SDK1: variants seen among roughly 807,000 people sequenced by gnomAD.
SDK1 encodes the protein sidekick cell adhesion molecule 1, also known as protein sidekick-1.
Under a neutral mutation model 245.5 loss-of-function variants are expected in SDK1, and 157 were observed. The observed-to-expected ratio is 0.64, with a 90% confidence interval of 0.56 to 0.73. The LOEUF (loss-of-function observed/expected upper bound fraction) is 0.73, where lower values mean the gene tolerates loss of function less well. Among genes scored for constraint, SDK1 ranks in the 30% least tolerant of loss-of-function variants. The pLI, the probability that SDK1 is intolerant of heterozygous loss-of-function variation, is 0.00. For missense variants in SDK1, 3,583 were observed against 3,002.3 expected (o/e 1.19, Z -4.52); for synonymous variants, 1,647 against 1,278.5 (o/e 1.29, Z -6.15).
At chr7:3,583,684 G>A (rs1372879665) in intron 1 of SDK1, among the ~76,000 whole-genome samples, 1 of 152,178 alleles carries the variant, frequency 6.6e-6, no homozygotes, top group Non-Finnish European at 1.5e-5. Context: ...CAAGTAGTAA[G>A]AGGCAGGAGT....
At chr7:3,985,273 A>G (rs982273934) in intron 13 of SDK1, among the ~76,000 whole-genome samples, 2 of 152,244 alleles carry the variant, frequency 1.3e-5, no homozygotes, top group East Asian at 1.9e-4. Flanking sequence ...CTCAGATCAG[A>G]TACATTCTTT....
chr7:4,179,632 G>T (rs1343960020), intron 35 of SDK1, among the ~76,000 whole-genome samples: 3 of 151,982 alleles, frequency 2.0e-5, no homozygotes, highest in Admixed American at 1.3e-4. Flanking sequence ...ATGTTCAAAG[G>T]GGTCACTCAG....
intron 1 of SDK1, among the ~76,000 whole-genome samples, chr7:3,482,774 A>G (rs1460371988): frequency 6.6e-6 from 1 of 152,220 alleles, no homozygotes; most frequent in African/African-American, 2.4e-5. Context: ...TATTCAAGGC[A>G]TTACTGAAGG....
intron 1 of SDK1, among the ~76,000 whole-genome samples, chr7:3,570,818 C>G (rs939332241): frequency 4.0e-5 from 6 of 149,660 alleles, no homozygotes; most frequent in African/African-American, 1.2e-4. Flanking sequence ...AATTAATGTT[C>G]TTTGTTTTGT....
At chr7:4,017,428 C>T (rs1030135287) in intron 17 of SDK1, 76 bp downstream of exon 17, 60 of 1,325,794 alleles carry the variant, frequency 4.5e-5, no homozygotes, top group Non-Finnish European at 5.7e-5. Flanking sequence ...GACTGGAGTA[C>T]GTTAGAAAGA....
intron 30 of SDK1, among the ~76,000 whole-genome samples, chr7:4,155,325 G>C (rs1347327545): frequency 6.6e-6 from 1 of 151,954 alleles, no homozygotes; most frequent in Non-Finnish European, 1.5e-5. Flanking sequence ...CAGGCCTCAC[G>C]CTAAGAACCC....
At chr7:4,022,000 G>A (rs1049801842) in intron 17 of SDK1, among the ~76,000 whole-genome samples, 12 of 152,296 alleles carry the variant, frequency 7.9e-5, no homozygotes, top group South Asian at 4.1e-4. Flanking sequence ...GGGGCTGTTT[G>A]GGCATTAAGT....
chr7:4,175,368 C>T (rs1343922112), intron 33 of SDK1, among the ~76,000 whole-genome samples: 3 of 152,220 alleles, frequency 2.0e-5, no homozygotes, highest in Non-Finnish European at 2.9e-5. Context: ...CACCTGGTCG[C>T]GCAGCTCTCC....
chr7:3,404,582 T>C (rs948198913), intron 1 of SDK1, among the ~76,000 whole-genome samples: 5 of 152,364 alleles, frequency 3.3e-5, no homozygotes, highest in African/African-American at 1.2e-4. Context: ...AGTTTTGACA[T>C]GTTTAAAATC....
intron 20 of SDK1, among the ~76,000 whole-genome samples, chr7:4,069,276 G>A (rs1228045153): frequency 6.6e-6 from 1 of 152,054 alleles, no homozygotes; most frequent in African/African-American, 2.4e-5. Context: ...GCCTGGCCCA[G>A]AACAACTCAG....
chr7:4,122,136 C>G (rs370557141), intron 25 of SDK1, among the ~76,000 whole-genome samples: 1 of 152,130 alleles, frequency 6.6e-6, no homozygotes, highest in South Asian at 2.1e-4. Flanking sequence ...TTCCGCTCCC[C>G]CTCCTTGTGT....
At chr7:3,596,794 G>A (rs1052083396) in intron 1 of SDK1, among the ~76,000 whole-genome samples, 9 of 152,202 alleles carry the variant, frequency 5.9e-5, no homozygotes, top group African/African-American at 2.2e-4. Context: ...GCTAGCCTAA[G>A]TTCAGAGTAA....
chr7:3,698,330 G>A (rs1010514168), intron 4 of SDK1, among the ~76,000 whole-genome samples: 2 of 152,140 alleles, frequency 1.3e-5, no homozygotes, highest in Non-Finnish European at 2.9e-5. Flanking sequence ...GTGTCTCCTC[G>A]GTGTGGTCAC....
At chr7:3,747,742 A>G (rs1381022251) in intron 4 of SDK1, among the ~76,000 whole-genome samples, 4 of 151,704 alleles carry the variant, frequency 2.6e-5, no homozygotes, top group Non-Finnish European at 4.4e-5. Context: ...TTCACTGAAG[A>G]GTTGATGAAT....
At chr7:3,560,257 A>G (rs1779706493) in intron 1 of SDK1, among the ~76,000 whole-genome samples, 3 of 152,172 alleles carry the variant, frequency 2.0e-5, no homozygotes, top group African/African-American at 2.4e-5. Context: ...GAAAAATACA[A>G]ATGTCCAATT....
chr7:3,577,401 A>C (rs1447323478), intron 1 of SDK1, among the ~76,000 whole-genome samples: 1 of 151,984 alleles, frequency 6.6e-6, no homozygotes. Flanking sequence ...GTGGCCCATG[A>C]TGTCTGACCA....
At chr7:4,130,957 C>A (rs1270416024) in intron 27 of SDK1, among the ~76,000 whole-genome samples, 3 of 152,140 alleles carry the variant, frequency 2.0e-5, no homozygotes, top group African/African-American at 7.2e-5. Context: ...AAAGCACTCT[C>A]TCCACGTTGC....
At chr7:3,698,201 G>T (rs1203832947) in intron 4 of SDK1, among the ~76,000 whole-genome samples, 1 of 152,060 alleles carries the variant, frequency 6.6e-6, no homozygotes, top group Admixed American at 6.5e-5. Flanking sequence ...AAATACTACC[G>T]AAGAAAACTG....
intron 1 of SDK1, among the ~76,000 whole-genome samples, chr7:3,469,625 T>C (rs1489857663): frequency 6.6e-6 from 1 of 152,190 alleles, no homozygotes; most frequent in African/African-American, 2.4e-5. Context: ...CTTTTCCTTA[T>C]CCAATGACCT....
Sources: gnomAD v4.1 joint callset for allele counts (sites outside exome capture counted in the v4.1 genomes callset) on GRCh38, gnomAD v4.1.1 for gene constraint, MANE v1.5 for transcripts, NCBI Gene and HGNC (gene_info 2026-07-23, HGNC 2026-07-21) for gene names.